The following OSMR variants were observed in gnomAD, a reference collection of about 807,000 sequenced individuals.
OSMR encodes the protein oncostatin M receptor.
Under a neutral mutation model 99.9 loss-of-function variants are expected in OSMR, and 81 were observed. The observed-to-expected ratio is 0.81, with a 90% CI of 0.68 to 0.97. The LOEUF (loss-of-function observed/expected upper bound fraction) is 0.97. Among genes scored for constraint, OSMR ranks in the 50% least tolerant of loss-of-function variants. The probability of loss-of-function intolerance (pLI) is 0.00; values close to 1 mark genes in which losing one functional copy is unlikely to be tolerated. For synonymous variants in OSMR, 406 were observed against 410.4 expected, an observed-to-expected ratio of 0.99 and a Z score of 0.13; for missense variants, 1,099 against 1,153.4, an observed-to-expected ratio of 0.95 and a Z score of 0.68.
At chr5:38,853,851 G>A (rs1004672174) in intron 1 of OSMR, among the ~76,000 whole-genome samples, 4 of 152,130 alleles carry the variant, frequency 2.6e-5, no homozygotes, top group Non-Finnish European at 5.9e-5. Context: ...CCAGTGGACA[G>A]GTTCAAGAGG....
chr5:38,861,980 C>G (rs1240619106), intron 1 of OSMR, among the ~76,000 whole-genome samples: 1 of 124,156 alleles, frequency 8.1e-6, no homozygotes, highest in African/African-American at 3.1e-5. Context: ...GACTGACCCC[C>G]TCACCTCCCT....
At chr5:38,915,323 A>G (rs1292939991) in intron 9 of OSMR, among the ~76,000 whole-genome samples, 1 of 152,216 alleles carries the variant, frequency 6.6e-6, no homozygotes, top group Non-Finnish European at 1.5e-5. Context: ...AAACCCTATC[A>G]ATGATAGTAG....
Position 38,903,875 on chromosome 5 carries a change from T to C in OSMR, c.992-7T>C. The C allele has an allele frequency of 6.2e-7, 1 of 1,609,046 alleles. No homozygotes were observed. The highest frequency in any genetic ancestry group is 8.5e-7 in the Non-Finnish European group (1 of 1,177,188). Reference sequence around the variant, plus strand: ...ATTTTTTTGTTTCTTTTTCTTTTTTTTGACAGTTTATTTAATGAATCCTTT... The same window carrying C: ...ATTTTTTTGTTTCTTTTTCTTTTTTCTGACAGTTTATTTAATGAATCCTTT... On this transcript the variant is annotated splice_polypyrimidine_tract_variant and splice_region_variant and intron_variant, in intron 7 of 17. Coordinates refer to ENST00000274276, the MANE Select transcript of OSMR (RefSeq NM_003999.3).
Position 38,869,490 on chromosome 5 carries a change from T to C in OSMR, c.73+373T>C, listed in dbSNP as rs76019625. On this transcript the variant is annotated intron_variant, in intron 2 of 17. Coordinates refer to ENST00000274276, the MANE Select transcript of OSMR (RefSeq NM_003999.3). ...GACACTGGATATACCACACCAGTGC[T>C]GACCTCTAGGTTAGTACAAGTTTTT... 0.03 allele frequency among the ~76,000 whole-genome samples: 4,600 copies of C among 152,340 alleles called. 372 individuals carry two copies. In the East Asian group the frequency reaches 0.36, roughly 12 times the overall value.
chr5:38,931,906 C>CT lies in OSMR; in HGVS notation c.2237dup (p.Pro747AlafsTer27), dbSNP rs778314106. 1.9e-6 allele frequency: 3 copies of CT among 1,613,508 alleles called. No homozygotes were observed. In the African/African-American group the frequency reaches 4.0e-5, roughly 22 times the overall value. ...AGCCTCGATGCTGATTCATATCCTA[C>CT]TGCCCATGGTTTTCTGCGTCTTGCT... On this transcript the variant is annotated frameshift_variant, in exon 16 of 18. Coordinates refer to ENST00000274276, the MANE Select transcript of OSMR (RefSeq NM_003999.3). LOFTEE classifies it high-confidence loss of function.
Position 38,871,467 on chromosome 5 carries a change from C to A in OSMR, c.73+2350C>A, listed in dbSNP as rs574882800. On this transcript the variant is annotated intron_variant, in intron 2 of 17. Transcript: ENST00000274276. ...TGTCTCAATTTCTGCTGCATTTAAC[C>A]AAGTACTTACTAAACTCCCACTCAA... Among the ~76,000 whole-genome samples the A allele has an allele frequency of 1.6e-3, 247 of 152,328 alleles. 2 individuals are homozygous for A. The highest frequency in any genetic ancestry group is 2.1e-3 in the Non-Finnish European group (140 of 68,034).
chr5:38,944,928 T>C, intron 2 of OSMR: 1 of 1,614,056 alleles, frequency 6.2e-7, no homozygotes, highest in Non-Finnish European at 8.5e-7. Flanking sequence ...AACAATTCTG[T>C]GCTTTTGGTG....
intron 7 of OSMR, among the ~76,000 whole-genome samples, chr5:38,894,142 A>G (rs1030420510): frequency 2.6e-5 from 4 of 152,238 alleles, no homozygotes; most frequent in African/African-American, 9.6e-5. Flanking sequence ...GGAATTTGTT[A>G]CCATTAGACC....
chr5:38,941,063 C>A (rs1239991468), intron 1 of OSMR: 2 of 232,666 alleles, frequency 8.6e-6, no homozygotes, highest in Non-Finnish European at 1.7e-5. Context: ...TTTTTATATA[C>A]AAATTTGCAT....
chr5:38,932,666 C>A (rs966883972), intron 17 of OSMR, 131 bp downstream of exon 17: 3 of 1,539,692 alleles, frequency 1.9e-6, no homozygotes, highest in Admixed American at 2.0e-5. Context: ...TTTGCACCCA[C>A]AGCCATGAAA....
intron 4 of OSMR, among the ~76,000 whole-genome samples, chr5:38,882,514 G>A (rs1743370346): frequency 6.6e-6 from 1 of 152,046 alleles, no homozygotes; most frequent in African/African-American, 2.4e-5. Context: ...GGCAGAGGTT[G>A]CAGTGAGCCT....
intron 1 of OSMR, among the ~76,000 whole-genome samples, chr5:38,852,156 C>T (rs917028245): frequency 2.0e-5 from 3 of 152,284 alleles, no homozygotes; most frequent in South Asian, 2.1e-4. Context: ...GCATGTTGTT[C>T]CTTTGTAGAA....
At position 38,869,214 on chromosome 5, in the gene OSMR, G is replaced by C. The variant is rs1017824215; in HGVS notation, c.73+97G>C. ...AAAGTTAAACAGTTCTTTTTTCTTTGGGAATTACTTAAAATTCCTGAGTAT... is the reference window on the plus strand; with the variant it reads ...AAAGTTAAACAGTTCTTTTTTCTTTCGGAATTACTTAAAATTCCTGAGTAT... On this transcript the variant is annotated intron_variant, in intron 2 of 17. Transcript: ENST00000274276. 4.1e-4 allele frequency: 389 copies of C among 941,296 alleles called. 5 individuals are homozygous for C. The East Asian group carries it at 9.2e-3, about 22-fold the overall frequency. 58.3% of individuals were successfully genotyped at this position (941,296 alleles called of 1,614,324 possible).
intron 1 of OSMR, among the ~76,000 whole-genome samples, chr5:38,859,368 A>G (rs1280461508): frequency 3.3e-5 from 5 of 152,044 alleles, no homozygotes; most frequent in Non-Finnish European, 7.4e-5. Context: ...CCTTTCCCCA[A>G]TATATGTTCT....
At chr5:38,864,458 T>G (rs1203685639) in intron 1 of OSMR, among the ~76,000 whole-genome samples, 2 of 152,174 alleles carry the variant, frequency 1.3e-5, no homozygotes, top group Non-Finnish European at 2.9e-5. Context: ...ATAAATTCCT[T>G]TAGTTTTTGC....
chr5:38,944,419 TA>T, intron 2 of OSMR: 1 of 1,582,430 alleles, frequency 6.3e-7, no homozygotes. Context: ...AATAAACAAA[TA>T]ATACTCATGC....
At chr5:38,917,099 G>A (rs1458406139) in intron 9 of OSMR, among the ~76,000 whole-genome samples, 5 of 152,212 alleles carry the variant, frequency 3.3e-5, no homozygotes, top group African/African-American at 7.2e-5. Context: ...CGGGCCAGCC[G>A]TGGGTATCAT....
In OSMR at chr5:38,876,301, T is replaced by A. The variant is rs1300054755; in HGVS notation, c.174T>A (p.Pro58=). 1 of 1,613,442 alleles carries A rather than the reference T, an allele frequency of 6.2e-7. No individual in the cohort carries two copies. ...TACAATGGACTGTCCACAACCTTCC[T>A]TATCATCAGGAATTGAAAATGGTAT... ...LHLQWTVHNL[P]YHQELKMVFQ... The change falls in exon 3 of 18, where the codon CCT becomes CCA. Residue 58 remains proline (P), a synonymous_variant. Transcript: ENST00000274276.
intron 1 of OSMR, among the ~76,000 whole-genome samples, chr5:38,863,612 T>A (rs919360820): frequency 6.6e-6 from 1 of 152,318 alleles, no homozygotes; most frequent in South Asian, 2.1e-4. Context: ...CATGTGCTGA[T>A]GAGAAGAATG....
Sources: allele counts gnomAD v4.1 joint callset (sites outside exome capture counted in the v4.1 genomes callset), GRCh38; gene constraint gnomAD v4.1.1; transcripts MANE v1.5; gene names NCBI Gene and HGNC (gene_info 2026-07-23, HGNC 2026-07-21).